Variants in PLAAT1 observed in about 807,000 individuals in gnomAD.
The protein encoded by PLAAT1 is phospholipase A and acyltransferase 1.
PLAAT1 carries 13 observed loss-of-function variants against 16.4 expected under a neutral mutation model. The ratio of observed to expected loss-of-function variants is 0.79; its 90% CI spans 0.52 to 1.26. PLAAT1 has a LOEUF of 1.26. Ranked by LOEUF, PLAAT1 falls within the 50% of genes most tolerant of loss-of-function variation. The pLI is 0.00. For synonymous variants in PLAAT1, 73 were observed against 78.4 expected, an observed-to-expected ratio of 0.93 and a Z score of 0.36; for missense variants, 218 against 207.8, an observed-to-expected ratio of 1.05 and a Z score of -0.30.
chr3:193,279,311 A>C, downstream of PLAAT1: 3 of 1,314,704 alleles, frequency 2.3e-6, no homozygotes, highest in Non-Finnish European at 3.3e-6. Context: ...AATTACAATG[A>C]ATACATGGTC....
chr3:193,256,634 G>A (rs1462638733), intron 2 of PLAAT1, among the ~76,000 whole-genome samples: 1 of 152,146 alleles, frequency 6.6e-6, no homozygotes, highest in Non-Finnish European at 1.5e-5. Context: ...AAGTGATAAC[G>A]ATCAGTGTTG....
At chr3:193,241,065 T>A (rs1715705810), upstream of PLAAT1, 2 of 527,442 alleles carry the variant, frequency 3.8e-6, no homozygotes, top group South Asian at 2.1e-4. Flanking sequence ...AGCGCGTGCG[T>A]TGCGTGCGCG....
chr3:193,267,630 G>T (rs1275155190), intron 3 of PLAAT1, among the ~76,000 whole-genome samples: 2 of 152,138 alleles, frequency 1.3e-5, no homozygotes, highest in African/African-American at 4.8e-5. Context: ...CGTCTTGGTT[G>T]CTTCGAAGTT....
Position 193,270,852 on chromosome 3 carries a change from C to A in PLAAT1, c.*147C>A. The A allele has an allele frequency of 7.5e-7, 1 of 1,329,916 alleles. No homozygotes were observed. The highest frequency in any genetic ancestry group is 9.6e-7 in the Non-Finnish European group (1 of 1,037,882). The allele number at this position is 1,329,916 out of a possible 1,614,324, so 82.4% of individuals were successfully genotyped here. ...TTAATAAATTGCTTACTGATATTAT[C>A]TTATCATTGAGCCAATGAAATTTTT... On this transcript the variant is annotated 3_prime_UTR_variant, in exon 4 of 4. Transcript: ENST00000264735.
At chr3:193,249,404 G>A (rs1716109382) in intron 1 of PLAAT1, among the ~76,000 whole-genome samples, 1 of 152,052 alleles carries the variant, frequency 6.6e-6, no homozygotes. Context: ...TAGGTTCTTG[G>A]AAACTGCAAC....
At chr3:193,242,299 AG>A (rs1342539370) in intron 1 of PLAAT1, among the ~76,000 whole-genome samples, 3 of 152,050 alleles carry the variant, frequency 2.0e-5, no homozygotes, top group Non-Finnish European at 4.4e-5. Flanking sequence ...AGAGACCAGT[AG>A]CTGAGGCAGG....
chr3:193,270,112 A>G (rs1257527256), intron 3 of PLAAT1, among the ~76,000 whole-genome samples: 1 of 150,046 alleles, frequency 6.7e-6, no homozygotes, highest in African/African-American at 2.5e-5. Flanking sequence ...ACACTCTTAC[A>G]CGATACTTAC....
chr3:193,245,349 A>G (rs1715940506), intron 1 of PLAAT1, among the ~76,000 whole-genome samples: 1 of 152,182 alleles, frequency 6.6e-6, no homozygotes, highest in Non-Finnish European at 1.5e-5. Flanking sequence ...AGTTCCATCC[A>G]TGTTGTCACT....
chr3:193,247,445 C>T (rs1268730709), intron 1 of PLAAT1, among the ~76,000 whole-genome samples: 1 of 152,166 alleles, frequency 6.6e-6, no homozygotes, highest in African/African-American at 2.4e-5. Flanking sequence ...CCCTTGTATT[C>T]AGCTCTGAGG....
At chr3:193,256,066 G>T (rs1183770856) in intron 2 of PLAAT1, among the ~76,000 whole-genome samples, 4 of 152,068 alleles carry the variant, frequency 2.6e-5, no homozygotes, top group African/African-American at 9.7e-5. Context: ...CCACAAACAT[G>T]GCAAGGTTCA....
intron 2 of PLAAT1, among the ~76,000 whole-genome samples, chr3:193,256,081 C>T (rs1315449454): frequency 6.6e-6 from 1 of 152,124 alleles, no homozygotes; most frequent in African/African-American, 2.4e-5. Flanking sequence ...GGTTCAGTGT[C>T]TTTATGTTTC....
intron 2 of PLAAT1, among the ~76,000 whole-genome samples, chr3:193,258,959 C>A (rs895900323): frequency 6.6e-6 from 1 of 152,070 alleles, no homozygotes; most frequent in African/African-American, 2.4e-5. Flanking sequence ...AAAAAGAAAA[C>A]TTCAGGCCAG....
At position 193,249,594 on chromosome 3, in the gene PLAAT1, T is replaced by A. The variant is rs552849748; in HGVS notation, c.1-6057T>A. On this transcript the variant is annotated intron_variant, in intron 1 of 3. Transcript: ENST00000264735. ...TATATGTCTTTGAATATATTTTCTG[T>A]CCCTTTCTCTCTTCCCTTTCTTGTA... 1.1e-3 allele frequency among the ~76,000 whole-genome samples: 167 copies of A among 152,158 alleles called. 1 individual carries two copies. The highest frequency in any genetic ancestry group is 5.7e-4 in the Non-Finnish European group (39 of 68,014).
At chr3:193,262,737 C>T (rs1193569578) in intron 2 of PLAAT1, among the ~76,000 whole-genome samples, 2 of 152,162 alleles carry the variant, frequency 1.3e-5, no homozygotes, top group African/African-American at 4.8e-5. Flanking sequence ...TCTATGGGAA[C>T]ATCAAACATT....
At chr3:193,261,607 A>G (rs964054971) in intron 2 of PLAAT1, among the ~76,000 whole-genome samples, 1 of 152,208 alleles carries the variant, frequency 6.6e-6, no homozygotes, top group African/African-American at 2.4e-5. Context: ...AGTGGTTAAT[A>G]CTAAGCAACC....
At chr3:193,257,359 A>G (rs1339406782) in intron 2 of PLAAT1, among the ~76,000 whole-genome samples, 1 of 152,202 alleles carries the variant, frequency 6.6e-6, no homozygotes, top group Non-Finnish European at 1.5e-5. Flanking sequence ...AAATAACAGC[A>G]TCCATAACAG....
In PLAAT1 at chr3:193,241,398, C is replaced by T; in HGVS notation, c.-136C>T. 8.1e-7 allele frequency: 1 copy of T among 1,231,770 alleles called. No homozygotes were observed. 76.3% of individuals were successfully genotyped at this position (1,231,770 alleles called of 1,614,324 possible). A position where few individuals can be genotyped will look rare whatever the true frequency, so the allele number is the denominator to read the frequency against. On this transcript the variant is annotated 5_prime_UTR_variant, in exon 1 of 4. Coordinates refer to ENST00000264735, the MANE Select transcript of PLAAT1 (RefSeq NM_020386.5). ...CGAGTGATGGCTGGCGCCTGCCTCC[C>T]GGGTGTCTCCCGGGTACAGATGGAG...
At chr3:193,251,780 T>G (rs1402965504) in intron 1 of PLAAT1, among the ~76,000 whole-genome samples, 1 of 152,142 alleles carries the variant, frequency 6.6e-6, no homozygotes, top group East Asian at 1.9e-4. Context: ...CTTTGTCTAG[T>G]GTGTAGGAGT....
chr3:193,280,325 T>TA (rs1717430393), downstream of PLAAT1, among the ~76,000 whole-genome samples: 9 of 152,294 alleles, frequency 5.9e-5, no homozygotes, highest in South Asian at 1.9e-3. Flanking sequence ...GTGCTATGAT[T>TA]ACAGGCATCA....
Sources: gnomAD v4.1 joint callset for allele counts (sites outside exome capture counted in the v4.1 genomes callset) on GRCh38, gnomAD v4.1.1 for gene constraint, MANE v1.5 for transcripts, NCBI Gene and HGNC (gene_info 2026-07-23, HGNC 2026-07-21) for gene names.